THSD1: variants seen among roughly 807,000 people sequenced by gnomAD.
THSD1 encodes thrombospondin type-1 domain-containing protein 1.
A neutral mutation model predicts 46.3 loss-of-function variants in THSD1; 34 were observed. The ratio of observed to expected loss-of-function variants is 0.74; its 90% CI spans 0.56 to 0.98. The LOEUF is 0.98. Among genes scored for constraint, THSD1 ranks in the 50% least tolerant of loss-of-function variants. The pLI, the probability that THSD1 is intolerant of heterozygous loss-of-function variation, is 0.00. For missense variants in THSD1, 1,023 were observed against 1,058.3 expected (o/e 0.97, Z 0.46); for synonymous variants, 407 against 416.5 (o/e 0.98, Z 0.28).
intron 2 of THSD1, among the ~76,000 whole-genome samples, chr13:52,402,239 C>T (rs1191525040): frequency 6.6e-6 from 1 of 152,170 alleles, no homozygotes; most frequent in African/African-American, 2.4e-5. Context: ...ATTTATCACA[C>T]TTAATTACTG....
intron 4 of THSD1, among the ~76,000 whole-genome samples, chr13:52,380,594 C>G (rs971679506): frequency 6.6e-6 from 1 of 151,680 alleles, no homozygotes; most frequent in Non-Finnish European, 1.5e-5. Context: ...CTACAGGCAC[C>G]CACCACCACG....
chr13:52,395,024 A>G (rs1450847267), intron 3 of THSD1, among the ~76,000 whole-genome samples: 2 of 152,152 alleles, frequency 1.3e-5, no homozygotes, highest in African/African-American at 4.8e-5. Flanking sequence ...AGCCAGGAGA[A>G]GGAGAGAGGA....
intron 2 of THSD1, 30 bp downstream of exon 2, chr13:52,402,513 A>C (rs1173673147): frequency 5.0e-6 from 8 of 1,597,902 alleles, no homozygotes; most frequent in Non-Finnish European, 6.9e-6. Flanking sequence ...TATTGCTACC[A>C]GTAGCGTTAA....
At chr13:52,393,895 A>G (rs1957791258) in intron 3 of THSD1, among the ~76,000 whole-genome samples, 1 of 152,048 alleles carries the variant, frequency 6.6e-6, no homozygotes, top group Non-Finnish European at 1.5e-5. Context: ...CTCAAGCATA[A>G]ATTTCATTTC....
chr13:52,378,036 G>T lies in THSD1; in HGVS notation c.1934C>A (p.Ala645Asp), dbSNP rs1346752094. The T allele has an allele frequency of 6.2e-7, 1 of 1,614,160 alleles. No homozygotes were observed. Among genetic ancestry groups the T allele is most frequent in the East Asian group, 2.2e-5 (1 of 44,862 alleles). Residue 645 changes from alanine to aspartate, a missense_variant, in exon 5 of 5, where the codon GCC (alanine) becomes GAC (aspartate). By Grantham distance (126) the Ala-to-Asp change is moderately radical. Around this residue, in one of 3 missense-constraint regions of THSD1, gnomAD observed 578 missense variants for 497.4 expected, o/e 1.16. Transcript: ENST00000258613. ...TGTCCTCCTGAAATGGGCGTTCCTG[G>T]CATGGCTCCTTTCGGACGGGCCCCC... is the stretch of plus-strand genomic sequence containing the variant. ...SRGGPSERSH[A>D]RNAHFRRTAS...
rs1456229624 is a variant in THSD1 at position 52,378,777 on chromosome 13, G to A, written c.1193C>T (p.Ser398Phe). Residue 398 changes from serine (S) to phenylalanine (F), a missense_variant, in exon 5 of 5, where the codon TCC becomes TTC. Ser to Phe is a radical substitution (Grantham distance 155). Coordinates refer to ENST00000258613, the MANE Select transcript of THSD1 (RefSeq NM_018676.4). Reference sequence around the variant, plus strand: ...CTGGGGCTGAAGAGGAGATGGGCTGGATGGCTGGAAAGCTGCAAAAAAAAA... The same window carrying A: ...CTGGGGCTGAAGAGGAGATGGGCTGAATGGCTGGAAAGCTGCAAAAAAAAA... ...SLEECAAFQP[S>F]SPSPLQPQGP... 1.9e-6 allele frequency: 3 copies of A among 1,582,082 alleles called. No individual in the cohort carries two copies. Among genetic ancestry groups the A allele is most frequent in the Non-Finnish European group, 2.6e-6 (3 of 1,167,318 alleles).
At chr13:52,379,892 G>C (rs967455141) in intron 4 of THSD1, among the ~76,000 whole-genome samples, 1 of 152,110 alleles carries the variant, frequency 6.6e-6, no homozygotes, top group African/African-American at 2.4e-5. Context: ...AAATGATTTA[G>C]GTAGGCCAAA....
At position 52,378,408 on chromosome 13, in the gene THSD1, T is replaced by C. The variant is rs1291731137; in HGVS notation, c.1562A>G (p.Gln521Arg). Residue 521 changes from glutamine to arginine, a missense_variant, in exon 5 of 5, where the codon CAG becomes CGG. By Grantham distance (43) the Gln-to-Arg change is conservative (BLOSUM62 1). Coordinates refer to ENST00000258613, the MANE Select transcript of THSD1 (RefSeq NM_018676.4). The part of the protein sequence containing the change: ...SGSESFQSNA[Q>R]KIIPPLFSYR... ...GCTGAACAGAGGTGGGATTATCTTC[T>C]GGGCGTTGGACTGGAAGCTCTCGCT... The C allele has an allele frequency of 1.2e-6, 2 of 1,614,132 alleles. No homozygotes were observed. Among genetic ancestry groups the C allele is most frequent in the Non-Finnish European group, 1.7e-6 (2 of 1,180,044 alleles).
chr13:52,378,503 T>A lies in THSD1; in HGVS notation c.1467A>T (p.Pro489=). The A allele has an allele frequency of 1.2e-6, 2 of 1,614,194 alleles. No individual in the cohort carries two copies. The highest frequency in any genetic ancestry group is 1.7e-6 in the Non-Finnish European group (2 of 1,180,030). Residue 489 remains proline, a synonymous_variant, in exon 5 of 5, where the codon CCA becomes CCT. Transcript: ENST00000258613. ...AGGTCAGAGGGATGCCTGTGTCCCC[T>A]GGACTCCCCGTGGGCCCGTCTCCCC... ...SDGGDGPTGS[P]GDTGIPLTYR...
At chr13:52,382,969 C>T (rs954486220) in intron 4 of THSD1, among the ~76,000 whole-genome samples, 1 of 152,024 alleles carries the variant, frequency 6.6e-6, no homozygotes. Context: ...CCACTGCACT[C>T]CAGCCTGGGC....
At chr13:52,390,038 A>G (rs949228255) in intron 3 of THSD1, among the ~76,000 whole-genome samples, 5 of 151,720 alleles carry the variant, frequency 3.3e-5, no homozygotes, top group South Asian at 4.2e-4. Flanking sequence ...TACTCGGGAG[A>G]CTGAGGTAGG....
At chr13:52,385,300 T>C (rs981141658) in intron 4 of THSD1, among the ~76,000 whole-genome samples, 1 of 152,082 alleles carries the variant, frequency 6.6e-6, no homozygotes, top group Non-Finnish European at 1.5e-5. Flanking sequence ...GGAGGCGGGA[T>C]GGTGTGTGGA....
rs139176366 is a variant in THSD1, at chr13:52,394,403, C to T, written c.1021+2829G>A. On this transcript the variant is annotated intron_variant, in intron 3 of 4. Coordinates refer to ENST00000258613, the MANE Select transcript of THSD1 (RefSeq NM_018676.4). ...CCGAGGCAGGTGGATCACCTGAGGA[C>T]AGGAGTTCAAGACCAGCCTGGCCAA... Among the ~76,000 whole-genome samples, 1,002 of 152,228 alleles carry T rather than the reference C, an allele frequency of 6.6e-3. 7 individuals are homozygous for T. The highest frequency in any genetic ancestry group is 0.011 in the Non-Finnish European group (764 of 67,996).
At chr13:52,394,805 G>A (rs1369694708) in intron 3 of THSD1, among the ~76,000 whole-genome samples, 2 of 152,158 alleles carry the variant, frequency 1.3e-5, no homozygotes, top group Non-Finnish European at 2.9e-5. Flanking sequence ...ATAGCAGCAC[G>A]AGTCAGGTTT....
rs896269604 is a variant in THSD1 at position 52,389,519 on chromosome 13, C to A, written c.1022-3333G>T. Among the ~76,000 whole-genome samples, 7 of 151,858 alleles carry A rather than the reference C, an allele frequency of 4.6e-5. 1 individual carries two copies. The East Asian group carries it at 1.4e-3, about 29-fold the overall frequency. On this transcript the variant is annotated intron_variant, in intron 3 of 4. Transcript: ENST00000258613. ...ACTATTTTTTTTAAAGCCCACTTTA[C>A]GTATAGACATATATATGTTAAAAGT...
At chr13:52,396,452 G>A (rs1477268187) in intron 3 of THSD1, among the ~76,000 whole-genome samples, 2 of 152,108 alleles carry the variant, frequency 1.3e-5, no homozygotes, top group Non-Finnish European at 2.9e-5. Flanking sequence ...AACCCGGGAG[G>A]CAGAGCTTGC....
intron 4 of THSD1, chr13:52,384,125 C>T (rs753320400): frequency 8.4e-5 from 28 of 334,388 alleles, no homozygotes; most frequent in Non-Finnish European, 1.2e-4. Flanking sequence ...GCGGAGTTGC[C>T]GTGAGCCGAG....
intron 4 of THSD1, among the ~76,000 whole-genome samples, chr13:52,383,478 G>T (rs1957707364): frequency 6.6e-6 from 1 of 152,220 alleles, no homozygotes; most frequent in African/African-American, 2.4e-5. Flanking sequence ...TGAAAGGCTT[G>T]TTCCCTGATG....
rs1452163788 is a variant in THSD1 at position 52,381,577 on chromosome 13, T to C, written c.1181-2788A>G. The stretch of plus-strand genomic sequence containing the variant: ...AATCCTCCTCTGCCCCATAAACTTA[T>C]TAGCATCCACACCTCTATTTACCTT... On this transcript the variant is annotated intron_variant, in intron 4 of 4. Transcript: ENST00000258613. 2.0e-5 allele frequency among the ~76,000 whole-genome samples: 3 copies of C among 152,202 alleles called. No homozygotes were observed. In the South Asian group the frequency reaches 6.2e-4, roughly 31 times the overall value.
Sources: allele counts gnomAD v4.1 joint callset (sites outside exome capture counted in the v4.1 genomes callset), GRCh38; gene constraint gnomAD v4.1.1; regional missense constraint gnomAD v4.1.1; transcripts MANE v1.5; gene names NCBI Gene and HGNC (gene_info 2026-07-23, HGNC 2026-07-21).